The following CRHR1 variants were observed in gnomAD, a reference collection of about 807,000 sequenced individuals.
The protein encoded by CRHR1 is corticotropin-releasing hormone receptor 1.
Under a neutral mutation model 56.0 loss-of-function variants are expected in CRHR1, and 28 were observed. That is an observed-to-expected ratio of 0.50 (90% CI 0.37 to 0.69). The LOEUF (loss-of-function observed/expected upper bound fraction) is 0.69, where lower values mean the gene tolerates loss of function less well. Among genes scored for constraint, CRHR1 ranks in the 30% least tolerant of loss-of-function variants. CRHR1 has a pLI of 0.00. For synonymous variants in CRHR1, 195 were observed against 216.5 expected, an observed-to-expected ratio of 0.90 and a Z score of 0.87; for missense variants, 376 against 548.0, an observed-to-expected ratio of 0.69 and a Z score of 3.13.
intron 1 of CRHR1, among the ~76,000 whole-genome samples, chr17:45,793,602 G>A (rs770229496): frequency 2.4e-4 from 37 of 152,336 alleles, no homozygotes; most frequent in Non-Finnish European, 4.6e-4. Flanking sequence ...CCTGTGAGTC[G>A]GTGTGGGGGT....
In CRHR1 at chr17:45,799,231, G is replaced by A. The variant is rs1268083161; in HGVS notation, c.34-7779G>A. Among the ~76,000 whole-genome samples the A allele has an allele frequency of 3.3e-5, 5 of 152,294 alleles. No individual in the cohort carries two copies. In the East Asian group the frequency reaches 7.7e-4, roughly 24 times the overall value. ...TATCCCCCACTGACCCCTCCACTTGGCACTTCTGTAGCAAGAAATTCTGCA... is the reference window on the plus strand; with the variant it reads ...TATCCCCCACTGACCCCTCCACTTGACACTTCTGTAGCAAGAAATTCTGCA... On this transcript the variant is annotated intron_variant, in intron 1 of 12. Transcript: ENST00000314537.
intron 1 of CRHR1, among the ~76,000 whole-genome samples, chr17:45,796,223 C>G (rs2061514025): frequency 6.6e-6 from 1 of 152,202 alleles, no homozygotes; most frequent in Non-Finnish European, 1.5e-5. Flanking sequence ...GCCTCCCACC[C>G]ACTCAGGGAC....
intron 3 of CRHR1, among the ~76,000 whole-genome samples, chr17:45,817,091 T>C (rs2061943851): frequency 6.6e-6 from 1 of 151,814 alleles, no homozygotes; most frequent in South Asian, 2.1e-4. Context: ...AGGCTCAACT[T>C]GCATCCTGGA....
chr17:45,826,455 A>C (rs1469015474), intron 4 of CRHR1: 1 of 152,232 alleles, frequency 6.6e-6, no homozygotes, highest in Non-Finnish European at 1.5e-5. Context: ...GATGTGGCCG[A>C]TGAGAGACAG....
At chr17:45,830,383 C>A (rs751426421) in intron 6 of CRHR1, 34 bp from the exon 7 acceptor site, 16 of 1,590,614 alleles carry the variant, frequency 1.0e-5, no homozygotes, top group Non-Finnish European at 1.4e-5. Flanking sequence ...CCCCTGCCCC[C>A]CATCATCATC....
intron 1 of CRHR1, among the ~76,000 whole-genome samples, chr17:45,787,339 G>A (rs1598390424): frequency 2.0e-5 from 3 of 152,178 alleles, no homozygotes; most frequent in South Asian, 2.1e-4. Flanking sequence ...GCATCTCCTC[G>A]TAGGGAGATG....
chr17:45,804,098 G>A (rs762561109), intron 1 of CRHR1, among the ~76,000 whole-genome samples: 7 of 152,224 alleles, frequency 4.6e-5, no homozygotes, highest in African/African-American at 7.2e-5. Flanking sequence ...TCTCTCTGGA[G>A]ACTGTGAAGT....
chr17:45,784,655 T>A lies in CRHR1; in HGVS notation c.33+78T>A. The stretch of plus-strand genomic sequence containing the variant: ...ACGCGGGACGGGGCTGGGCTGTGGG[T>A]GTGATGGGGGCGGGGGCGCTGGGAG... On this transcript the variant is annotated intron_variant, in intron 1 of 12. Transcript: ENST00000314537. The surrounding 1 kb of genome is among the most constrained non-coding windows in gnomAD (Gnocchi z 4.2). 1 of 1,411,908 alleles carries A rather than the reference T, an allele frequency of 7.1e-7. No individual in the cohort carries two copies. The highest frequency in any genetic ancestry group is 9.4e-7 in the Non-Finnish European group (1 of 1,061,010). 87.5% of individuals were successfully genotyped at this position (1,411,908 alleles called of 1,614,324 possible).
At chr17:45,822,616 G>A (rs914667500) in intron 4 of CRHR1, among the ~76,000 whole-genome samples, 12 of 152,176 alleles carry the variant, frequency 7.9e-5, no homozygotes, top group East Asian at 1.9e-4. Context: ...TATAAGAATC[G>A]TCCAGAGGCA....
At chr17:45,832,667 G>C (rs1163546044) in intron 8 of CRHR1, among the ~76,000 whole-genome samples, 2 of 152,350 alleles carry the variant, frequency 1.3e-5, no homozygotes, top group South Asian at 4.1e-4. Flanking sequence ...ACCTGTGCAA[G>C]TATTCCTCTC....
At chr17:45,796,598 G>A (rs2061522407) in intron 1 of CRHR1, among the ~76,000 whole-genome samples, 1 of 152,310 alleles carries the variant, frequency 6.6e-6, no homozygotes. Context: ...TCCAGTTACT[G>A]CAGTCAAAAC....
In CRHR1 at chr17:45,830,616, G is replaced by C. The variant is rs540215107; in HGVS notation, c.709+46G>C. On this transcript the variant is annotated intron_variant, in intron 7 of 12. Transcript: ENST00000314537. ...CGCAGCCTGGGCAGTGGCGGCCGCCGGGCTGCCCTCTCCTCCAGACTCAGG... is the reference window on the plus strand; with the variant it reads ...CGCAGCCTGGGCAGTGGCGGCCGCCCGGCTGCCCTCTCCTCCAGACTCAGG... The C allele has an allele frequency of 1.3e-5, 21 of 1,563,040 alleles. No individual in the cohort carries two copies. In the African/African-American group the frequency reaches 1.8e-4, roughly 13 times the overall value.
At chr17:45,820,480 A>C (rs1367758429) in intron 3 of CRHR1, among the ~76,000 whole-genome samples, 1 of 152,112 alleles carries the variant, frequency 6.6e-6, no homozygotes, top group Admixed American at 6.5e-5. Context: ...GCATCAATTC[A>C]GCTCACAGGG....
chr17:45,830,719 G>T (rs2062286377), intron 7 of CRHR1, 149 bp downstream of exon 7: 1 of 1,202,874 alleles, frequency 8.3e-7, no homozygotes, highest in South Asian at 1.5e-5. Flanking sequence ...TGCTCCTCTT[G>T]GGGGTGGGCG....
At chr17:45,807,442 C>T (rs548947252) in intron 2 of CRHR1, among the ~76,000 whole-genome samples, 90 of 152,332 alleles carry the variant, frequency 5.9e-4, no homozygotes, top group African/African-American at 2.0e-3. Context: ...CTCGGGGAGG[C>T]ATCAAGGGAC....
chr17:45,822,152 A>T (rs2062055727), intron 4 of CRHR1, among the ~76,000 whole-genome samples: 1 of 152,222 alleles, frequency 6.6e-6, no homozygotes, highest in South Asian at 2.1e-4. Flanking sequence ...CTTTTTTCAT[A>T]TAATCATCTA....
At chr17:45,805,721 C>T (rs2146304305) in intron 1 of CRHR1, among the ~76,000 whole-genome samples, 1 of 152,214 alleles carries the variant, frequency 6.6e-6, no homozygotes, top group Non-Finnish European at 1.5e-5. Context: ...ACCCAGCTCC[C>T]CACAGCCAGA....
intron 1 of CRHR1, among the ~76,000 whole-genome samples, chr17:45,785,103 G>A (rs1598387049): frequency 6.6e-6 from 1 of 152,226 alleles, no homozygotes; most frequent in Non-Finnish European, 1.5e-5. Context: ...GCGAGCCCTT[G>A]ATCAATATCG....
intron 2 of CRHR1, 64 bp downstream of exon 2, chr17:45,807,161 TC>T: frequency 7.0e-7 from 1 of 1,438,662 alleles, no homozygotes; most frequent in Non-Finnish European, 9.7e-7. Flanking sequence ...ACCCCAGGTA[TC>T]CCAGAGCCTG....
Sources: allele counts gnomAD v4.1 joint callset (sites outside exome capture counted in the v4.1 genomes callset), GRCh38; gene constraint gnomAD v4.1.1; non-coding constraint Gnocchi (gnomAD v3.1); transcripts MANE v1.5; gene names NCBI Gene and HGNC (gene_info 2026-07-23, HGNC 2026-07-21).